CCDC102B: variants seen among roughly 807,000 people sequenced by gnomAD.
The protein encoded by CCDC102B is coiled-coil domain-containing protein 102B.
Under a neutral mutation model 57.4 loss-of-function variants are expected in CCDC102B, and 75 were observed. That is an observed-to-expected ratio of 1.31 (90% CI 1.08 to 1.58). The LOEUF (loss-of-function observed/expected upper bound fraction) is 1.58. Ranked by LOEUF, CCDC102B falls within the 40% of genes most tolerant of loss-of-function variation. The pLI is 0.00. For missense variants in CCDC102B, 636 were observed against 582.6 expected, an observed-to-expected ratio of 1.09 and a Z score of -0.94; for synonymous variants, 206 against 201.9, an observed-to-expected ratio of 1.02 and a Z score of -0.17.
At chr18:69,009,217 A>G (rs986406239) in intron 6 of CCDC102B, among the ~76,000 whole-genome samples, 3 of 152,130 alleles carry the variant, frequency 2.0e-5, no homozygotes, top group Admixed American at 6.5e-5. Flanking sequence ...GTCTGAAGAC[A>G]TCTTGATTTT....
intron 6 of CCDC102B, among the ~76,000 whole-genome samples, chr18:68,907,620 A>T (rs1216639178): frequency 6.6e-6 from 1 of 152,118 alleles, no homozygotes; most frequent in Admixed American, 6.6e-5. Context: ...AGCACAACTA[A>T]TTTTTGTGTG....
In CCDC102B at chr18:68,853,672, T is replaced by TA. The variant is rs71175201; in HGVS notation, c.936+7281dup. 3.4e-3 allele frequency among the ~76,000 whole-genome samples: 322 copies of TA among 94,626 alleles called. 5 individuals are homozygous for TA. Among genetic ancestry groups the TA allele is most frequent in the African/African-American group, 0.011 (225 of 21,334 alleles). 62.1% of individuals were successfully genotyped at this position (94,626 alleles called of 152,430 possible). ...CGAATTTTTCTTTATCCCCAAATTGTAAAAAAAAAAAAAAAAAAAAAAAAA... is the reference window on the plus strand; with the variant it reads ...CGAATTTTTCTTTATCCCCAAATTGTAAAAAAAAAAAAAAAAAAAAAAAAAA... On this transcript the variant is annotated intron_variant, in intron 4 of 7. Transcript: ENST00000360242.
At chr18:68,890,413 G>A (rs2040033208) in intron 5 of CCDC102B, among the ~76,000 whole-genome samples, 1 of 152,010 alleles carries the variant, frequency 6.6e-6, no homozygotes, top group Admixed American at 6.6e-5. Context: ...ATTTTGTAAA[G>A]TTGGAGTCTC....
At chr18:68,905,856 C>T (rs1283311761) in intron 6 of CCDC102B, among the ~76,000 whole-genome samples, 37 of 124,158 alleles carry the variant, frequency 3.0e-4, no homozygotes, top group African/African-American at 1.0e-3. Flanking sequence ...TACAGTGGTG[C>T]GATCTCGGCT....
intron 1 of CCDC102B, among the ~76,000 whole-genome samples, chr18:68,809,610 A>C (rs998596773): frequency 2.0e-5 from 3 of 152,200 alleles, no homozygotes; most frequent in Non-Finnish European, 4.4e-5. Context: ...AAATAAATAC[A>C]TACTCATTTC....
At chr18:69,035,942 A>G (rs1013406544) in intron 7 of CCDC102B, among the ~76,000 whole-genome samples, 3 of 152,068 alleles carry the variant, frequency 2.0e-5, no homozygotes, top group African/African-American at 7.2e-5. Flanking sequence ...TTATAAGGAC[A>G]CCCCACTGTG....
rs1429854258 is a variant in CCDC102B, at chr18:68,824,827, A to G, written c.-15-11922A>G. ...AATGTGTAATAATAACAATGATTAA[A>G]ATAGATCTTTGCTGATCTGAAAAAT... On this transcript the variant is annotated intron_variant, in intron 1 of 7. Transcript: ENST00000360242. Among the ~76,000 whole-genome samples, 8 of 152,356 alleles carry G rather than the reference A, an allele frequency of 5.3e-5. No individual in the cohort carries two copies. The East Asian group carries it at 1.3e-3, about 26-fold the overall frequency.
intron 2 of CCDC102B, among the ~76,000 whole-genome samples, chr18:68,729,733 A>C (rs902180770): frequency 6.6e-6 from 1 of 152,218 alleles, no homozygotes; most frequent in Non-Finnish European, 1.5e-5. Context: ...TTTGATACTT[A>C]GTGGTAGAAG....
At chr18:68,970,431 A>G (rs2050270758) in intron 6 of CCDC102B, among the ~76,000 whole-genome samples, 1 of 152,028 alleles carries the variant, frequency 6.6e-6, no homozygotes, top group Admixed American at 6.6e-5. Context: ...TCTGTTTCAC[A>G]TCTAACTTGG....
chr18:69,042,006 A>G (rs996367289), intron 7 of CCDC102B, among the ~76,000 whole-genome samples: 2 of 152,002 alleles, frequency 1.3e-5, no homozygotes, highest in African/African-American at 4.8e-5. Context: ...TGTCAGAACT[A>G]AGGCAGCAAG....
At chr18:68,891,016 T>A (rs1041197231) in intron 5 of CCDC102B, among the ~76,000 whole-genome samples, 8 of 152,244 alleles carry the variant, frequency 5.3e-5, no homozygotes, top group African/African-American at 1.9e-4. Flanking sequence ...GTTTTATTTT[T>A]AGAAAACTGG....
At chr18:68,855,325 C>T (rs913320889) in intron 4 of CCDC102B, among the ~76,000 whole-genome samples, 1 of 152,036 alleles carries the variant, frequency 6.6e-6, no homozygotes, top group African/African-American at 2.4e-5. Context: ...GAGATGAAAG[C>T]TCTTGTTATG....
intron 1 of CCDC102B, among the ~76,000 whole-genome samples, chr18:68,816,222 T>G (rs1028375853): frequency 2.6e-5 from 4 of 152,218 alleles, no homozygotes; most frequent in African/African-American, 9.6e-5. Flanking sequence ...AAATCCATCA[T>G]GTACAGAAAG....
At chr18:69,040,713 G>A (rs1863416418) in intron 7 of CCDC102B, among the ~76,000 whole-genome samples, 1 of 151,870 alleles carries the variant, frequency 6.6e-6, no homozygotes, top group Non-Finnish European at 1.5e-5. Context: ...GTGACTATGT[G>A]GCTATTGAAG....
At chr18:68,816,459 C>CA (rs1284447104) in intron 1 of CCDC102B, among the ~76,000 whole-genome samples, 1 of 100,588 alleles carries the variant, frequency 9.9e-6, no homozygotes, top group Non-Finnish European at 1.8e-5. Context: ...TATTTCCTTT[C>CA]TTTTTTTTTT....
At chr18:68,985,025 G>C (rs1215544568) in intron 6 of CCDC102B, among the ~76,000 whole-genome samples, 1 of 152,050 alleles carries the variant, frequency 6.6e-6, no homozygotes, top group Admixed American at 6.6e-5. Context: ...GCCTGAGTTA[G>C]CTTTGTGGTT....
intron 6 of CCDC102B, among the ~76,000 whole-genome samples, chr18:68,917,153 A>C (rs1005743553): frequency 6.6e-6 from 1 of 151,254 alleles, no homozygotes; most frequent in Non-Finnish European, 1.5e-5. Flanking sequence ...GAGAAAACTG[A>C]ATTTCTTGAA....
intron 1 of CCDC102B, among the ~76,000 whole-genome samples, chr18:68,816,770 T>C (rs1206458430): frequency 3.9e-5 from 6 of 152,184 alleles, no homozygotes; most frequent in African/African-American, 1.4e-4. Context: ...AGCCTCCTTT[T>C]CCCTTTCTAA....
intron 6 of CCDC102B, among the ~76,000 whole-genome samples, chr18:69,003,230 A>AT (rs2051253704): frequency 6.6e-6 from 1 of 152,186 alleles, no homozygotes; most frequent in African/African-American, 2.4e-5. Flanking sequence ...ATAAATTAGG[A>AT]TTTTTTCAAA....
Sources: allele counts gnomAD v4.1 joint callset (sites outside exome capture counted in the v4.1 genomes callset), GRCh38; gene constraint gnomAD v4.1.1; transcripts MANE v1.5; gene names NCBI Gene and HGNC (gene_info 2026-07-23, HGNC 2026-07-21).